ENTREP2: variants seen among roughly 807,000 people sequenced by gnomAD.
The protein encoded by ENTREP2 is protein ENTREP2.
chr15:29,660,823 C>A, the ENTREP2 span, among the ~76,000 whole-genome samples: 7 of 152,076 alleles, frequency 4.6e-5, no homozygotes, highest in African/African-American at 1.7e-4. Flanking sequence ...TTTTTTCAAC[C>A]CAACGAGGAT....
At chr15:29,254,674 T>C in the ENTREP2 span, among the ~76,000 whole-genome samples, 3 of 152,004 alleles carry the variant, frequency 2.0e-5, no homozygotes, top group Non-Finnish European at 4.4e-5. Flanking sequence ...CTGACCAACA[T>C]GGTGAAAGCC....
At chr15:29,139,194 G>A in the ENTREP2 span, among the ~76,000 whole-genome samples, 4 of 152,260 alleles carry the variant, frequency 2.6e-5, no homozygotes, top group Admixed American at 6.5e-5. Flanking sequence ...CTAGGTTGAC[G>A]AAGAAAGGCT....
At chr15:29,298,767 G>C in the ENTREP2 span, among the ~76,000 whole-genome samples, 4 of 152,112 alleles carry the variant, frequency 2.6e-5, no homozygotes, top group Non-Finnish European at 4.4e-5. Flanking sequence ...CTTCAACAGT[G>C]AATTAATTCT....
At chr15:29,597,524 C>T in the ENTREP2 span, among the ~76,000 whole-genome samples, 5 of 151,092 alleles carry the variant, frequency 3.3e-5, no homozygotes, top group South Asian at 2.1e-4. Context: ...GCCGAGATTG[C>T]GCCATTGCAC....
At chr15:29,650,608 C>CA in the ENTREP2 span, among the ~76,000 whole-genome samples, 166 of 143,856 alleles carry the variant, frequency 1.2e-3, 1 homozygote, top group Middle Eastern at 0.011. Flanking sequence ...AAACAAAAAA[C>CA]AAAAAAAAAA....
the ENTREP2 span, among the ~76,000 whole-genome samples, chr15:29,160,464 C>T: frequency 6.6e-6 from 1 of 152,072 alleles, no homozygotes; most frequent in East Asian, 1.9e-4. Context: ...GTAATCTCAG[C>T]ACTTTTGGAG....
chr15:29,596,820 T>C, the ENTREP2 span, among the ~76,000 whole-genome samples: 72,868 of 151,818 alleles, frequency 0.48, 17,925 homozygotes, highest in Non-Finnish European at 0.54. Context: ...AGGCGCCCGC[T>C]GCCATGCCCA....
the ENTREP2 span, among the ~76,000 whole-genome samples, chr15:29,458,651 C>T: frequency 6.6e-6 from 1 of 152,140 alleles, no homozygotes; most frequent in African/African-American, 2.4e-5. Context: ...GATCCTCAGT[C>T]GACCCAACTT....
the ENTREP2 span, among the ~76,000 whole-genome samples, chr15:29,307,288 A>AT: frequency 1.9e-5 from 2 of 105,912 alleles, no homozygotes; most frequent in South Asian, 5.1e-4. Flanking sequence ...TTCAGCTAAC[A>AT]TAAAAAAAAA....
the ENTREP2 span, among the ~76,000 whole-genome samples, chr15:29,543,794 C>A: frequency 6.7e-6 from 1 of 150,358 alleles, no homozygotes. Context: ...AAAAAAAAAT[C>A]CCCCAAAAAA....
the ENTREP2 span, among the ~76,000 whole-genome samples, chr15:29,365,401 C>T: frequency 4.6e-5 from 7 of 151,880 alleles, no homozygotes; most frequent in Admixed American, 2.6e-4. Flanking sequence ...TACAGGTGCC[C>T]GCCACCATGC....
chr15:29,430,037 C>A, the ENTREP2 span, among the ~76,000 whole-genome samples: 1 of 152,214 alleles, frequency 6.6e-6, no homozygotes, highest in Admixed American at 6.5e-5. Flanking sequence ...AGACCTCAAC[C>A]ACCACATACA....
chr15:29,312,608 G>C, the ENTREP2 span, among the ~76,000 whole-genome samples: 1 of 152,134 alleles, frequency 6.6e-6, no homozygotes, highest in Non-Finnish European at 1.5e-5. Flanking sequence ...CCTGTGATCA[G>C]TGACCCTTGA....
At chr15:29,519,355 C>T in the ENTREP2 span, among the ~76,000 whole-genome samples, 1 of 151,620 alleles carries the variant, frequency 6.6e-6, no homozygotes, top group Non-Finnish European at 1.5e-5. Context: ...CCTGCCTCTC[C>T]TGCTGCCCCT....
chr15:29,582,728 T>C, the ENTREP2 span, among the ~76,000 whole-genome samples: 13 of 152,152 alleles, frequency 8.5e-5, no homozygotes, highest in Admixed American at 5.2e-4. Context: ...CTTGGCTCAC[T>C]GCAACCTCTG....
the ENTREP2 span, among the ~76,000 whole-genome samples, chr15:29,419,234 GAAA>G: frequency 4.0e-5 from 6 of 151,822 alleles, no homozygotes; most frequent in African/African-American, 1.4e-4. Context: ...AGAAAACAGA[GAAA>G]AAGATGAATA....
At chr15:29,387,473 T>C in the ENTREP2 span, among the ~76,000 whole-genome samples, 3 of 152,178 alleles carry the variant, frequency 2.0e-5, no homozygotes, top group Middle Eastern at 0.01. Flanking sequence ...TAAAAGAGGA[T>C]ACAAACAAAT....
At chr15:29,373,545 T>C in the ENTREP2 span, 1 of 152,156 alleles carries the variant, frequency 6.6e-6, no homozygotes, top group African/African-American at 2.4e-5. Flanking sequence ...ACTATAGACC[T>C]CATGTGAAAA....
chr15:29,202,283 G>T, the ENTREP2 span, among the ~76,000 whole-genome samples: 1 of 151,692 alleles, frequency 6.6e-6, no homozygotes, highest in Admixed American at 6.6e-5. Context: ...TTTCATTTAT[G>T]ATTTCCTGAC....
Sources: gnomAD v4.1 joint callset for allele counts (sites outside exome capture counted in the v4.1 genomes callset) on GRCh38, gnomAD v4.1.1 for gene constraint, MANE v1.5 for transcripts, NCBI Gene and HGNC (gene_info 2026-07-23, HGNC 2026-07-21) for gene names.